ADAMTS12: variants seen among roughly 807,000 people sequenced by gnomAD.
ADAMTS12 encodes the protein ADAM metallopeptidase with thrombospondin type 1 motif 12.
In ADAMTS12, 118 loss-of-function variants were observed where a neutral mutation model predicts 167.8. That is an observed-to-expected ratio of 0.70 (90% CI 0.61 to 0.82). The LOEUF (loss-of-function observed/expected upper bound fraction) is 0.82. ADAMTS12 is among the 40% of genes least tolerant of loss of function. The pLI, the probability that ADAMTS12 is intolerant of heterozygous loss-of-function variation, is 0.00. For synonymous variants in ADAMTS12, 704 were observed against 716.9 expected (o/e 0.98, Z 0.29); for missense variants, 1,916 against 1,998.8 (o/e 0.96, Z 0.79).
chr5:33,592,317 G>A lies in ADAMTS12; in HGVS notation c.2655-3508C>T, dbSNP rs558218049. On this transcript the variant is annotated intron_variant, in intron 17 of 23. Coordinates refer to ENST00000504830, the MANE Select transcript of ADAMTS12 (RefSeq NM_030955.4). Reference sequence around the variant, plus strand: ...CTATCCAGCCCAAAGCAGCAATAGCGTTGAGGTTGAGAAACCTTGATTTAA... The same window carrying A: ...CTATCCAGCCCAAAGCAGCAATAGCATTGAGGTTGAGAAACCTTGATTTAA... Among the ~76,000 whole-genome samples, 7 of 152,264 alleles carry A rather than the reference G, an allele frequency of 4.6e-5. No homozygotes were observed. In the South Asian group the frequency reaches 8.3e-4, roughly 18 times the overall value.
chr5:33,662,159 ACATTTGG>A, intron 5 of ADAMTS12, 119 bp from the exon 6 acceptor site: 1 of 1,332,134 alleles, frequency 7.5e-7, no homozygotes, highest in South Asian at 1.4e-5. Context: ...GGTGCATCAG[ACATTTGG>A]CAGTCATGTG....
At chr5:33,762,672 T>C (rs986797227) in intron 2 of ADAMTS12, among the ~76,000 whole-genome samples, 2 of 152,034 alleles carry the variant, frequency 1.3e-5, no homozygotes, top group African/African-American at 2.4e-5. Flanking sequence ...AGTGAAAGAT[T>C]TGCAGGAAGA....
chr5:33,822,354 G>A (rs974697183), intron 2 of ADAMTS12, among the ~76,000 whole-genome samples: 1 of 152,192 alleles, frequency 6.6e-6, no homozygotes, highest in Non-Finnish European at 1.5e-5. Flanking sequence ...GAGCATGCAA[G>A]CACAGCCCTG....
chr5:33,791,807 A>G (rs987466364), intron 2 of ADAMTS12, among the ~76,000 whole-genome samples: 2 of 142,314 alleles, frequency 1.4e-5, no homozygotes, highest in Admixed American at 1.4e-4. Context: ...CGAAGTTGGT[A>G]TCTGTCATTT....
intron 3 of ADAMTS12, among the ~76,000 whole-genome samples, chr5:33,688,305 C>A (rs1455762926): frequency 6.6e-6 from 1 of 152,092 alleles, no homozygotes; most frequent in Admixed American, 6.6e-5. Context: ...AGAAATCCAG[C>A]CAAACGGGCA....
rs146734068 is a variant in ADAMTS12 at position 33,542,256 on chromosome 5, A to G, written c.4446+3803T>C. 5.1e-4 allele frequency among the ~76,000 whole-genome samples: 77 copies of G among 152,332 alleles called. 2 individuals are homozygous for G. In the East Asian group the frequency reaches 0.014, roughly 28 times the overall value. Reference sequence around the variant, plus strand: ...AAGAGACAAAGAAAGCCATTACATAATGGTAAAGGGACCAATTCAACAAGA... The same window carrying G: ...AAGAGACAAAGAAAGCCATTACATAGTGGTAAAGGGACCAATTCAACAAGA... On this transcript the variant is annotated intron_variant, in intron 22 of 23. Coordinates refer to ENST00000504830, the MANE Select transcript of ADAMTS12 (RefSeq NM_030955.4).
intron 3 of ADAMTS12, among the ~76,000 whole-genome samples, chr5:33,735,087 T>G (rs1744323933): frequency 6.6e-6 from 1 of 152,248 alleles, no homozygotes; most frequent in African/African-American, 2.4e-5. Context: ...GGCATTTACC[T>G]TAATAAGTTT....
chr5:33,755,322 G>A (rs1038164628), intron 2 of ADAMTS12, among the ~76,000 whole-genome samples: 1 of 152,220 alleles, frequency 6.6e-6, no homozygotes, highest in East Asian at 1.9e-4. Flanking sequence ...GGCAAGCCCA[G>A]ATGGTAGGGA....
chr5:33,694,070 C>T (rs10062422), intron 3 of ADAMTS12, among the ~76,000 whole-genome samples: 34,114 of 151,894 alleles, frequency 0.22, 3,990 homozygotes, highest in East Asian at 0.42. Flanking sequence ...ACAAAAAGGA[C>T]AAAATACCTA....
At chr5:33,669,290 T>C (rs1741587109) in intron 5 of ADAMTS12, among the ~76,000 whole-genome samples, 1 of 152,212 alleles carries the variant, frequency 6.6e-6, no homozygotes, top group Non-Finnish European at 1.5e-5. Context: ...TTTTCTTTTG[T>C]TCGTTGTAAT....
intron 18 of ADAMTS12, among the ~76,000 whole-genome samples, 191 bp from the exon 19 acceptor site, chr5:33,577,351 C>T (rs770262977): frequency 2.0e-5 from 3 of 152,206 alleles, no homozygotes; most frequent in Non-Finnish European, 4.4e-5. Flanking sequence ...CCAGCTGGGA[C>T]TCAGTCTCAA....
At chr5:33,666,516 CAG>C (rs10542376) in intron 5 of ADAMTS12, among the ~76,000 whole-genome samples, 86,991 of 151,676 alleles carry the variant, frequency 0.57, 26,919 homozygotes, top group East Asian at 0.75. Flanking sequence ...TCTATTGAGA[CAG>C]AGTCTCACTC....
intron 3 of ADAMTS12, among the ~76,000 whole-genome samples, chr5:33,713,456 C>T (rs10050510): frequency 0.17 from 25,966 of 151,976 alleles, 2,298 homozygotes; most frequent in East Asian, 0.27. Context: ...CTAGAACAAC[C>T]TTTTATTGCT....
At chr5:33,612,982 A>C (rs1214552373) in intron 16 of ADAMTS12, among the ~76,000 whole-genome samples, 1 of 152,218 alleles carries the variant, frequency 6.6e-6, no homozygotes, top group Non-Finnish European at 1.5e-5. Flanking sequence ...TTGATAATAC[A>C]AAAATTGTTT....
At chr5:33,790,280 C>T (rs894644234) in intron 2 of ADAMTS12, among the ~76,000 whole-genome samples, 1 of 151,992 alleles carries the variant, frequency 6.6e-6, no homozygotes, top group Non-Finnish European at 1.5e-5. Context: ...TCTGGCCGGG[C>T]GCGGTGGCTC....
In ADAMTS12 at chr5:33,881,801, C is replaced by T. The variant is rs113262445; in HGVS notation, c.128-321G>A. 9.5e-3 allele frequency among the ~76,000 whole-genome samples: 1,422 copies of T among 149,972 alleles called. 29 individuals are homozygous for T. The highest frequency in any genetic ancestry group is 0.034 in the African/African-American group (1,351 of 40,062). On this transcript the variant is annotated intron_variant, in intron 1 of 23. Coordinates refer to ENST00000504830, the MANE Select transcript of ADAMTS12 (RefSeq NM_030955.4). ...GTTGCTCAGGTTGGTCTTGAACTCC[C>T]GACCTCAGGTGATCCGCCTGCCCTG...
chr5:33,613,464 G>A (rs116212152), intron 16 of ADAMTS12, among the ~76,000 whole-genome samples: 7 of 152,144 alleles, frequency 4.6e-5, no homozygotes, highest in African/African-American at 1.7e-4. Flanking sequence ...TGTGACTAAC[G>A]CCAACCAACG....
chr5:33,708,878 T>C (rs1743290305), intron 3 of ADAMTS12, among the ~76,000 whole-genome samples: 1 of 151,944 alleles, frequency 6.6e-6, no homozygotes, highest in Admixed American at 6.6e-5. Flanking sequence ...CAAACCACCA[T>C]GGCACATGTA....
intron 1 of ADAMTS12, among the ~76,000 whole-genome samples, chr5:33,884,571 G>T (rs558505307): frequency 2.2e-4 from 33 of 152,232 alleles, no homozygotes; most frequent in Middle Eastern, 6.8e-3. Context: ...GGCACAGTAG[G>T]GGGGATGAAT....
Sources: gnomAD v4.1 joint callset for allele counts (sites outside exome capture counted in the v4.1 genomes callset) on GRCh38, gnomAD v4.1.1 for gene constraint, MANE v1.5 for transcripts, NCBI Gene and HGNC (gene_info 2026-07-23, HGNC 2026-07-21) for gene names.